The following FAM221A variants were observed in gnomAD, a reference collection of about 807,000 sequenced individuals.
The protein encoded by FAM221A is family with sequence similarity 221 member A, also known as protein FAM221A.
A neutral mutation model predicts 37.6 loss-of-function variants in FAM221A; 43 were observed. The observed-to-expected ratio is 1.15, with a 90% confidence interval of 0.90 to 1.48. FAM221A has a LOEUF of 1.48. Among genes scored for constraint, FAM221A ranks in the 40% most tolerant of loss-of-function variants. The pLI, the probability that FAM221A is intolerant of heterozygous loss-of-function variation, is 0.00. For missense variants in FAM221A, 361 were observed against 361.5 expected, an observed-to-expected ratio of 1.00 and a Z score of 0.01; for synonymous variants, 135 against 132.9, an observed-to-expected ratio of 1.02 and a Z score of -0.11.
intron 4 of FAM221A, among the ~76,000 whole-genome samples, chr7:23,691,949 A>G (rs892102412): frequency 2.0e-5 from 3 of 152,156 alleles, no homozygotes; most frequent in African/African-American, 7.2e-5. Flanking sequence ...ATTTGATATG[A>G]TATAGTTTAC....
At position 23,702,126 on chromosome 7, in the gene FAM221A, G is replaced by C; in HGVS notation, c.859G>C (p.Gly287Arg). Residue 287 changes from glycine to arginine, a missense_variant, in exon 7 of 7, where the codon GGA (glycine) becomes CGA (arginine). Physicochemically the swap from Gly to Arg is moderately radical, Grantham distance 125. Coordinates refer to ENST00000344962, the MANE Select transcript of FAM221A (RefSeq NM_199136.5). ...AATGGAAAAGGCTGCTAAGTGGAAAGGAAAAGCTCCATTGCCATCAGCTAC... is the reference window on the plus strand; with the variant it reads ...AATGGAAAAGGCTGCTAAGTGGAAACGAAAAGCTCCATTGCCATCAGCTAC... ...MKMEKAAKWK[G>R]KAPLPSATKP... 6.2e-7 allele frequency: 1 copy of C among 1,601,222 alleles called. No homozygotes were observed. The highest frequency in any genetic ancestry group is 8.5e-7 in the Non-Finnish European group (1 of 1,173,578).
rs140234800 is a variant in FAM221A at position 23,697,878 on chromosome 7, A to G, written c.638-314A>G. On this transcript the variant is annotated intron_variant, in intron 4 of 6. Coordinates refer to ENST00000344962, the MANE Select transcript of FAM221A (RefSeq NM_199136.5). ...ATGATCTTCCTGCTTTACCCTTCCAAGTAGGTAGGGCTACAGGCACACACC... is the reference window on the plus strand; with the variant it reads ...ATGATCTTCCTGCTTTACCCTTCCAGGTAGGTAGGGCTACAGGCACACACC... 1.6e-4 allele frequency among the ~76,000 whole-genome samples: 24 copies of G among 152,008 alleles called. No homozygotes were observed. In the East Asian group the frequency reaches 4.6e-3, roughly 29 times the overall value.
Position 23,691,596 on chromosome 7 carries a change from G to T in FAM221A, c.637G>T (p.Gly213Cys). The change falls in exon 4 of 7, where the codon GGT becomes TGT. Residue 213 changes from glycine (G) to cysteine (C), a missense_variant and splice_region_variant. Coordinates refer to ENST00000344962, the MANE Select transcript of FAM221A (RefSeq NM_199136.5). The stretch of plus-strand genomic sequence containing the variant: ...CATGCGGTTAGATGACAGTGGGATT[G>T]GTAAGTGATACTATATGAAATGTGA... ...GYMRLDDSGI[G>C]VPSVEFLESP... The T allele has an allele frequency of 6.2e-7, 1 of 1,613,188 alleles. No homozygotes were observed. Among genetic ancestry groups the T allele is most frequent in the South Asian group, 1.1e-5 (1 of 91,002 alleles).
In FAM221A at chr7:23,680,326, G is replaced by A. The variant is rs1464816628; in HGVS notation, c.65+43G>A. The stretch of plus-strand genomic sequence containing the variant: ...GGCCTGCCCCCCCGCCGCTCCGAGG[G>A]GCCAGGATCCCTGGGCTGGGGGCGC... On this transcript the variant is annotated intron_variant, in intron 1 of 6. Coordinates refer to ENST00000344962, the MANE Select transcript of FAM221A (RefSeq NM_199136.5). 5.4e-6 allele frequency: 8 copies of A among 1,486,250 alleles called. No individual in the cohort carries two copies. In the East Asian group the frequency reaches 1.8e-4, roughly 33 times the overall value. 92.1% of individuals were successfully genotyped at this position (1,486,250 alleles called of 1,614,324 possible). A position where few individuals can be genotyped will look rare whatever the true frequency, so the allele number is the denominator to read the frequency against.
chr7:23,691,577 G>T lies in FAM221A; in HGVS notation c.618G>T (p.Arg206=). The change falls in exon 4 of 7, where the codon CGG becomes CGT. Residue 206 remains arginine, a synonymous_variant. Transcript: ENST00000344962. Reference sequence around the variant, plus strand: ...GCTCGCTGGCGGAAGGCTACATGCGGTTAGATGACAGTGGGATTGGTAAGT... The same window carrying T: ...GCTCGCTGGCGGAAGGCTACATGCGTTTAGATGACAGTGGGATTGGTAAGT... ...GFSSLAEGYM[R]LDDSGIGVPS... is the part of the protein sequence containing the mutation. 6.2e-7 allele frequency: 1 copy of T among 1,614,162 alleles called. No homozygotes were observed. The highest frequency in any genetic ancestry group is 8.5e-7 in the Non-Finnish European group (1 of 1,179,988).
chr7:23,690,191 ATATATATAT>A (rs948221208), intron 3 of FAM221A, among the ~76,000 whole-genome samples: 3 of 55,314 alleles, frequency 5.4e-5, no homozygotes, highest in Non-Finnish European at 1.2e-4. Context: ...ATATATATAT[ATATATATAT>A]TTTTTTTTTT....
chr7:23,691,986 G>A (rs1784780165), intron 4 of FAM221A, among the ~76,000 whole-genome samples: 1 of 152,006 alleles, frequency 6.6e-6, no homozygotes, highest in African/African-American at 2.4e-5. Context: ...TGTAACTTAA[G>A]CTATTATATC....
chr7:23,698,064 A>G (rs1340288899), intron 4 of FAM221A, 128 bp from the exon 5 acceptor site: 9 of 538,298 alleles, frequency 1.7e-5, no homozygotes, highest in Non-Finnish European at 2.9e-5. Flanking sequence ...CCAGTCTAAA[A>G]TTTTTTTTTT....
chr7:23,701,102 T>A (rs1167052864), intron 6 of FAM221A, among the ~76,000 whole-genome samples: 1 of 152,180 alleles, frequency 6.6e-6, no homozygotes, highest in African/African-American at 2.4e-5. Flanking sequence ...AATACGCAGA[T>A]AAAATTGTCA....
chr7:23,692,120 C>A (rs1346265940), intron 4 of FAM221A: 2 of 756,110 alleles, frequency 2.6e-6, no homozygotes, highest in African/African-American at 1.9e-5. Flanking sequence ...TATCTTCTTG[C>A]ATACATATAT....
chr7:23,681,360 C>T (rs934373062), intron 1 of FAM221A, among the ~76,000 whole-genome samples: 8 of 152,166 alleles, frequency 5.3e-5, no homozygotes, highest in African/African-American at 1.4e-4. Flanking sequence ...TGACTCTTGC[C>T]TAGCTCCGAA....
chr7:23,684,211 G>T (rs1192679677), intron 1 of FAM221A, among the ~76,000 whole-genome samples: 1 of 152,060 alleles, frequency 6.6e-6, no homozygotes, highest in Non-Finnish European at 1.5e-5. Flanking sequence ...TCGTTATGTT[G>T]TCATGCTTCG....
intron 1 of FAM221A, among the ~76,000 whole-genome samples, chr7:23,681,849 G>T (rs1160401368): frequency 6.6e-6 from 1 of 152,180 alleles, no homozygotes; most frequent in Non-Finnish European, 1.5e-5. Context: ...GGGCTGGGAA[G>T]GTGGGGTGGG....
intron 4 of FAM221A, chr7:23,692,924 T>C: frequency 5.3e-6 from 1 of 187,196 alleles, no homozygotes; most frequent in Non-Finnish European, 1.0e-5. Flanking sequence ...AGTCTCAGTC[T>C]TCCTAGTAGC....
At chr7:23,684,929 GAC>G (rs1279297224) in intron 2 of FAM221A, among the ~76,000 whole-genome samples, 1 of 152,070 alleles carries the variant, frequency 6.6e-6, no homozygotes, top group African/African-American at 2.4e-5. Flanking sequence ...AAGCCTGGGT[GAC>G]AGAGAGTGAA....
chr7:23,701,181 CTTTATTT>C (rs1334150972), intron 6 of FAM221A, among the ~76,000 whole-genome samples: 3 of 149,130 alleles, frequency 2.0e-5, no homozygotes, highest in Non-Finnish European at 4.4e-5. Context: ...ATACATGTAC[CTTTATTT>C]TTTATTTAAA....
At chr7:23,694,872 T>G (rs1213393914) in intron 4 of FAM221A, 1 of 152,248 alleles carries the variant, frequency 6.6e-6, no homozygotes, top group Non-Finnish European at 1.5e-5. Flanking sequence ...GACCTGTTCT[T>G]ATGTTTTAAT....
At chr7:23,683,704 A>G (rs1784195145) in intron 1 of FAM221A, among the ~76,000 whole-genome samples, 2 of 152,068 alleles carry the variant, frequency 1.3e-5, no homozygotes, top group African/African-American at 2.4e-5. Flanking sequence ...GGGAGAAAAG[A>G]TTTCTTTTCT....
intron 4 of FAM221A, 81 bp downstream of exon 4, chr7:23,691,677 G>T: frequency 1.0e-5 from 12 of 1,156,032 alleles, no homozygotes; most frequent in South Asian, 2.9e-5. Context: ...TATTTGTTAA[G>T]CAATTTATAG....
Sources: allele counts gnomAD v4.1 joint callset (sites outside exome capture counted in the v4.1 genomes callset), GRCh38; gene constraint gnomAD v4.1.1; transcripts MANE v1.5; gene names NCBI Gene and HGNC (gene_info 2026-07-23, HGNC 2026-07-21).